OTULIN: variants seen among roughly 807,000 people sequenced by gnomAD.
The protein encoded by OTULIN is ubiquitin thioesterase otulin.
OTULIN carries 15 observed loss-of-function variants against 39.6 expected under a neutral mutation model. That is an observed-to-expected ratio of 0.38 (90% confidence interval 0.25 to 0.58). The LOEUF (loss-of-function observed/expected upper bound fraction) is 0.58. OTULIN is among the 20% of genes least tolerant of loss of function. The pLI, the probability that OTULIN is intolerant of heterozygous loss-of-function variation, is 0.66. For synonymous variants in OTULIN, 156 were observed against 170.3 expected (o/e 0.92, Z 0.65); for missense variants, 319 against 445.9 (o/e 0.72, Z 2.56).
At chr5:14,712,390 CA>C in the OTULIN span, among the ~76,000 whole-genome samples, 6,663 of 152,320 alleles carry the variant, frequency 0.044, 190 homozygotes, top group Admixed American at 0.085. Context: ...CTGAGAAAAA[CA>C]AAAGTGATCA....
the OTULIN span, among the ~76,000 whole-genome samples, chr5:14,712,486 C>T: frequency 6.6e-6 from 1 of 152,368 alleles, no homozygotes; most frequent in Non-Finnish European, 1.5e-5. Flanking sequence ...CTTGGACTGC[C>T]CAGTCCTTGT....
the OTULIN span, chr5:14,707,915 C>G: frequency 6.6e-6 from 1 of 152,170 alleles, no homozygotes; most frequent in African/African-American, 2.4e-5. Flanking sequence ...TGGGGGATGA[C>G]TGTTTTTTAC....
chr5:14,692,156 T>C (rs749107124), intron 6 of OTULIN, among the ~76,000 whole-genome samples: 20 of 152,238 alleles, frequency 1.3e-4, no homozygotes, highest in Non-Finnish European at 2.1e-4. Flanking sequence ...CCAGACTGTT[T>C]GCAAAGCAGC....
the OTULIN span, chr5:14,713,081 A>T: frequency 9.2e-7 from 1 of 1,092,720 alleles, no homozygotes; most frequent in Non-Finnish European, 1.4e-6. The surrounding 1 kb of genome is among the most constrained non-coding windows in gnomAD (Gnocchi z 4.4). Context: ...GGCTGAGACC[A>T]GCGGCGTTCT....
intron 4 of OTULIN, among the ~76,000 whole-genome samples, chr5:14,685,182 T>G (rs905293676): frequency 6.6e-5 from 10 of 152,238 alleles, no homozygotes; most frequent in African/African-American, 2.2e-4. Context: ...TAGAGTGAGA[T>G]AGACTGTGTA....
Position 14,697,627 on chromosome 5 carries a change from A to C in OTULIN, c.*4579A>C, listed in dbSNP as rs1324969493. 2 of 152,208 alleles carry C rather than the reference A, an allele frequency of 1.3e-5. No individual in the cohort carries two copies. The highest frequency in any genetic ancestry group is 4.8e-5 in the African/African-American group (2 of 41,448). 9.4% of individuals were successfully genotyped at this position (152,208 alleles called of 1,614,324 possible). A position where few individuals can be genotyped will look rare whatever the true frequency, so the allele number is the denominator to read the frequency against. On this transcript the variant is annotated 3_prime_UTR_variant, in exon 7 of 7. Coordinates refer to ENST00000284274, the MANE Select transcript of OTULIN (RefSeq NM_138348.6). Reference sequence around the variant, plus strand: ...GAAATGTTATATCAATACATCATTTATGATGTGTGTGTGGTCCCAGACCTC... The same window carrying C: ...GAAATGTTATATCAATACATCATTTCTGATGTGTGTGTGGTCCCAGACCTC...
At chr5:14,711,662 C>T in the OTULIN span, among the ~76,000 whole-genome samples, 1 of 152,238 alleles carries the variant, frequency 6.6e-6, no homozygotes, top group Non-Finnish European at 1.5e-5. Flanking sequence ...TTCCTCCTCC[C>T]TAAAGCCTCA....
the OTULIN span, among the ~76,000 whole-genome samples, chr5:14,713,239 A>G: frequency 6.6e-6 from 1 of 152,106 alleles, no homozygotes; most frequent in Non-Finnish European, 1.5e-5. This position sits in a 1 kb window ranked among gnomAD's most constrained non-coding sequence, Gnocchi z 4.4. Flanking sequence ...CCCTGAGCGC[A>G]GGGACCATGT....
the OTULIN span, among the ~76,000 whole-genome samples, chr5:14,711,511 TG>T: frequency 1.3e-5 from 2 of 152,198 alleles, no homozygotes; most frequent in African/African-American, 4.8e-5. Context: ...GCCTGCTGTG[TG>T]CCTGGCACTG....
At chr5:14,665,148 C>T (rs1160924472) in intron 1 of OTULIN, among the ~76,000 whole-genome samples, 171 bp downstream of exon 1, 1 of 152,206 alleles carries the variant, frequency 6.6e-6, no homozygotes, top group African/African-American at 2.4e-5. Context: ...TGTCCGAGTG[C>T]AGATTTTTAA....
the OTULIN span, chr5:14,705,254 G>C: frequency 1.3e-5 from 2 of 151,830 alleles, no homozygotes; most frequent in Non-Finnish European, 2.9e-5. Flanking sequence ...CCCATGTAGA[G>C]GAATGACTCT....
downstream of OTULIN, among the ~76,000 whole-genome samples, chr5:14,702,258 G>A (rs796743094): frequency 1.2e-4 from 18 of 152,298 alleles, no homozygotes; most frequent in African/African-American, 4.3e-4. Context: ...AAGGGGTAAG[G>A]AAAGAGTGTA....
the OTULIN span, among the ~76,000 whole-genome samples, chr5:14,711,827 T>C: frequency 2.0e-3 from 306 of 152,332 alleles, 3 homozygotes; most frequent in Non-Finnish European, 3.6e-3. Flanking sequence ...TTACAATAAA[T>C]GGCCTCTCAG....
At chr5:14,713,795 C>CT in the OTULIN span, 1 of 1,338,686 alleles carries the variant, frequency 7.5e-7, no homozygotes, top group Non-Finnish European at 1.1e-6. This position sits in a 1 kb window ranked among gnomAD's most constrained non-coding sequence, Gnocchi z 4.4. Context: ...TGTTGAGCCG[C>CT]TGGCCACCTC....
intron 4 of OTULIN, among the ~76,000 whole-genome samples, chr5:14,685,970 A>G (rs1476680247): frequency 6.6e-6 from 1 of 152,202 alleles, no homozygotes; most frequent in African/African-American, 2.4e-5. Flanking sequence ...GTGGGCACGG[A>G]GTGGGCTGGT....
chr5:14,676,770 C>G (rs1579965011), intron 2 of OTULIN, among the ~76,000 whole-genome samples: 1 of 152,164 alleles, frequency 6.6e-6, no homozygotes, highest in African/African-American at 2.4e-5. Context: ...AAATGTGGAC[C>G]AATAAGTGTC....
intron 2 of OTULIN, 151 bp downstream of exon 2, chr5:14,673,869 A>C (rs1736036452): frequency 7.2e-6 from 4 of 553,214 alleles, no homozygotes; most frequent in Non-Finnish European, 1.2e-5. Flanking sequence ...AGTATGTTAG[A>C]GACTGTTTCC....
chr5:14,669,975 C>G lies in OTULIN; in HGVS notation c.153-3667C>G, dbSNP rs1735941983. Among the ~76,000 whole-genome samples, 7 of 152,186 alleles carry G rather than the reference C, an allele frequency of 4.6e-5. 1 individual carries two copies. The South Asian group carries it at 1.4e-3, about 31-fold the overall frequency. Reference sequence around the variant, plus strand: ...TTGAATCTATATAGTAGATTATTAACTGTAGTTATCCTACAATGGTATAGA... The same window carrying G: ...TTGAATCTATATAGTAGATTATTAAGTGTAGTTATCCTACAATGGTATAGA... On this transcript the variant is annotated intron_variant, in intron 1 of 6. Transcript: ENST00000284274.
At chr5:14,672,760 C>T (rs538921632) in intron 1 of OTULIN, among the ~76,000 whole-genome samples, 1 of 152,332 alleles carries the variant, frequency 6.6e-6, no homozygotes, top group African/African-American at 2.4e-5. Context: ...GCCCATCTCC[C>T]AGCCTTGGCT....
Sources: allele counts gnomAD v4.1 joint callset (sites outside exome capture counted in the v4.1 genomes callset), GRCh38; gene constraint gnomAD v4.1.1; non-coding constraint Gnocchi (gnomAD v3.1); transcripts MANE v1.5; gene names NCBI Gene and HGNC (gene_info 2026-07-23, HGNC 2026-07-21).